PCTP: variants seen among roughly 807,000 people sequenced by gnomAD.
PCTP encodes phosphatidylcholine transfer protein, also known as START domain-containing protein 2.
A neutral mutation model predicts 31.0 loss-of-function variants in PCTP; 27 were observed. The ratio of observed to expected loss-of-function variants is 0.87; its 90% CI spans 0.64 to 1.20. The LOEUF (loss-of-function observed/expected upper bound fraction) is 1.20, where lower values mean the gene tolerates loss of function less well. Among genes scored for constraint, PCTP ranks in the 50% most tolerant of loss-of-function variants. PCTP has a pLI of 0.00. For synonymous variants in PCTP, 108 were observed against 101.2 expected, an observed-to-expected ratio of 1.07 and a Z score of -0.40; for missense variants, 287 against 268.2, an observed-to-expected ratio of 1.07 and a Z score of -0.49.
intron 5 of PCTP, among the ~76,000 whole-genome samples, chr17:55,839,919 CAAAAAAAAAAAAAA>C (rs57402824): frequency 8.0e-5 from 1 of 12,506 alleles, no homozygotes; most frequent in Non-Finnish European, 1.6e-4. Flanking sequence ...GACTCAGTCT[CAAAAAAAAAAAAAA>C]AAAAAAAAAA....
At chr17:55,793,649 G>T (rs189920709) in intron 3 of PCTP, among the ~76,000 whole-genome samples, 17 of 152,170 alleles carry the variant, frequency 1.1e-4, no homozygotes, top group Non-Finnish European at 2.5e-4. Context: ...TTAGCACACA[G>T]TACCTGAAAC....
chr17:55,783,634 G>C (rs1177816895), intron 2 of PCTP, among the ~76,000 whole-genome samples: 1 of 152,178 alleles, frequency 6.6e-6, no homozygotes, highest in Non-Finnish European at 1.5e-5. Flanking sequence ...CTGCTTACCA[G>C]TGAATGTGGT....
chr17:55,837,263 G>A (rs1357100752), intron 5 of PCTP, among the ~76,000 whole-genome samples: 1 of 152,192 alleles, frequency 6.6e-6, no homozygotes, highest in African/African-American at 2.4e-5. Context: ...CAAGATTTCA[G>A]ACAATGGCAA....
intron 4 of PCTP, 37 bp downstream of exon 4, chr17:55,773,932 G>A: frequency 6.4e-6 from 10 of 1,552,156 alleles, no homozygotes; most frequent in Non-Finnish European, 8.7e-6. Context: ...ACCCAGCCAG[G>A]GGTCCCCCAC....
chr17:55,814,724 C>T (rs904294679), intron 3 of PCTP, among the ~76,000 whole-genome samples: 1 of 152,196 alleles, frequency 6.6e-6, no homozygotes, highest in South Asian at 2.1e-4. Context: ...AATGCTCTCT[C>T]TGCATGTCCC....
intron 1 of PCTP, among the ~76,000 whole-genome samples, chr17:55,753,006 C>T (rs1909794347): frequency 6.6e-6 from 1 of 152,224 alleles, no homozygotes; most frequent in Admixed American, 6.5e-5. Flanking sequence ...AGCCCTCAGC[C>T]TCCCAAAGTG....
chr17:55,803,905 A>G (rs971374189), intron 3 of PCTP, among the ~76,000 whole-genome samples: 8 of 151,602 alleles, frequency 5.3e-5, no homozygotes, highest in African/African-American at 1.9e-4. Flanking sequence ...AAAAAAAAAA[A>G]CCAGGATCAG....
intron 3 of PCTP, among the ~76,000 whole-genome samples, chr17:55,789,916 C>G (rs906128392): frequency 2.6e-5 from 4 of 152,136 alleles, no homozygotes; most frequent in Admixed American, 1.3e-4. Context: ...AAAATACTGG[C>G]AAACCGAATC....
chr17:55,797,527 G>A (rs992672673), intron 3 of PCTP, among the ~76,000 whole-genome samples: 1 of 151,968 alleles, frequency 6.6e-6, no homozygotes, highest in Non-Finnish European at 1.5e-5. Flanking sequence ...GGCAAATGAG[G>A]CATGTATGGC....
At chr17:55,775,723 A>G in intron 5 of PCTP, 6 of 1,236,166 alleles carry the variant, frequency 4.9e-6, no homozygotes, top group Non-Finnish European at 6.1e-6. Context: ...GAATGTAACA[A>G]TCCAGCCCAA....
intron 3 of PCTP, among the ~76,000 whole-genome samples, chr17:55,792,374 C>G (rs936566550): frequency 6.6e-6 from 1 of 150,734 alleles, no homozygotes; most frequent in Non-Finnish European, 1.5e-5. Flanking sequence ...AACACTTTCT[C>G]AAAGTTTGAA....
chr17:55,845,752 A>G (rs9892859), downstream of PCTP, among the ~76,000 whole-genome samples: 41,218 of 151,622 alleles, frequency 0.27, 5,956 homozygotes, highest in African/African-American at 0.38. Flanking sequence ...GTGAGGGCCG[A>G]GCCCCCCCGT....
At chr17:55,765,811 C>G (rs189909415) in intron 1 of PCTP, among the ~76,000 whole-genome samples, 2 of 152,322 alleles carry the variant, frequency 1.3e-5, no homozygotes, top group Non-Finnish European at 2.9e-5. Flanking sequence ...CCAGCCCTGA[C>G]AAACTCTCTA....
chr17:55,802,511 G>A (rs1022625426), intron 3 of PCTP, among the ~76,000 whole-genome samples: 3 of 152,114 alleles, frequency 2.0e-5, no homozygotes, highest in Non-Finnish European at 2.9e-5. Flanking sequence ...ACATCAAAAG[G>A]CTTATCCACC....
At chr17:55,757,311 C>A (rs1030866336) in intron 1 of PCTP, among the ~76,000 whole-genome samples, 1 of 151,076 alleles carries the variant, frequency 6.6e-6, no homozygotes, top group Non-Finnish European at 1.5e-5. Flanking sequence ...CTAATGCACA[C>A]TCAATGCATG....
chr17:55,767,520 A>G, intron 2 of PCTP, 68 bp downstream of exon 2: 2 of 1,097,662 alleles, frequency 1.8e-6, no homozygotes, highest in South Asian at 1.3e-5. Context: ...GGTGAAGTGC[A>G]AAGGTAGGAT....
chr17:55,837,128 C>A (rs1011212694), intron 5 of PCTP, among the ~76,000 whole-genome samples: 4 of 152,080 alleles, frequency 2.6e-5, no homozygotes, highest in African/African-American at 4.8e-5. Context: ...ATGGAGGCAG[C>A]AATGAGTAGA....
At chr17:55,805,382 C>T (rs1286721385) in intron 3 of PCTP, among the ~76,000 whole-genome samples, 3 of 151,936 alleles carry the variant, frequency 2.0e-5, no homozygotes, top group African/African-American at 4.8e-5. Flanking sequence ...ATTTTGTAGT[C>T]CCCAGTGTCT....
chr17:55,826,135 G>GT (rs972665274), downstream of PCTP, among the ~76,000 whole-genome samples: 1 of 152,186 alleles, frequency 6.6e-6, no homozygotes, highest in Non-Finnish European at 1.5e-5. Context: ...CATCTGAGGA[G>GT]TTTTTTTGTG....
Sources: gnomAD v4.1 joint callset for allele counts (sites outside exome capture counted in the v4.1 genomes callset) on GRCh38, gnomAD v4.1.1 for gene constraint, MANE v1.5 for transcripts, NCBI Gene and HGNC (gene_info 2026-07-23, HGNC 2026-07-21) for gene names.